KCNIP4: variants seen among roughly 807,000 people sequenced by gnomAD.
KCNIP4 encodes potassium voltage-gated channel interacting protein 4.
Under a neutral mutation model 34.0 loss-of-function variants are expected in KCNIP4, and 12 were observed. That is an observed-to-expected ratio of 0.35 (90% CI 0.23 to 0.57). The LOEUF is 0.57. Among genes scored for constraint, KCNIP4 ranks in the 20% least tolerant of loss-of-function variants. KCNIP4 has a pLI of 0.83. For synonymous variants in KCNIP4, 124 were observed against 102.2 expected, an observed-to-expected ratio of 1.21 and a Z score of -1.29; for missense variants, 238 against 311.7, an observed-to-expected ratio of 0.76 and a Z score of 1.78.
intron 1 of KCNIP4, among the ~76,000 whole-genome samples, chr4:21,386,069 G>A (rs1390261): frequency 0.21 from 31,199 of 152,068 alleles, 3,650 homozygotes; most frequent in Middle Eastern, 0.3. Flanking sequence ...TATAAATATG[G>A]GGAAATTACT....
At chr4:21,140,894 C>T (rs1751900551) in intron 1 of KCNIP4, among the ~76,000 whole-genome samples, 1 of 152,198 alleles carries the variant, frequency 6.6e-6, no homozygotes, top group African/African-American at 2.4e-5. Context: ...TCCCCTGCAG[C>T]CTGCCTCTGT....
intron 1 of KCNIP4, among the ~76,000 whole-genome samples, chr4:21,095,518 G>T (rs1332885715): frequency 6.6e-6 from 1 of 151,948 alleles, no homozygotes; most frequent in Non-Finnish European, 1.5e-5. Flanking sequence ...TAATTAAGTA[G>T]AATTCAATAA....
chr4:20,839,507 T>G (rs1019005104), intron 3 of KCNIP4, among the ~76,000 whole-genome samples: 5 of 149,116 alleles, frequency 3.4e-5, no homozygotes, highest in Non-Finnish European at 5.9e-5. Flanking sequence ...TATATATATA[T>G]ATAGATAGGT....
At chr4:21,074,816 C>A (rs1560698452) in intron 1 of KCNIP4, among the ~76,000 whole-genome samples, 2 of 152,082 alleles carry the variant, frequency 1.3e-5, no homozygotes, top group African/African-American at 4.8e-5. Context: ...TAAATGTGTC[C>A]CAGAGATACT....
chr4:21,670,310 C>A (rs1168038448), intron 1 of KCNIP4, among the ~76,000 whole-genome samples: 2 of 151,194 alleles, frequency 1.3e-5, no homozygotes, highest in African/African-American at 4.9e-5. Flanking sequence ...TCTCAGTAAA[C>A]TATCGCAAGA....
At chr4:21,173,665 T>C (rs2109303347) in intron 1 of KCNIP4, among the ~76,000 whole-genome samples, 1 of 152,270 alleles carries the variant, frequency 6.6e-6, no homozygotes, top group East Asian at 1.9e-4. Context: ...ATAGCCTCTT[T>C]GTGGCAAGTA....
At chr4:21,679,400 G>A (rs191250698) in intron 1 of KCNIP4, among the ~76,000 whole-genome samples, 1 of 152,134 alleles carries the variant, frequency 6.6e-6, no homozygotes, top group Non-Finnish European at 1.5e-5. Flanking sequence ...GCAAAGGATA[G>A]GTACTTAATG....
rs548169314 is a variant in KCNIP4 at position 21,028,391 on chromosome 4, C to T, written c.62-145682G>A. Among the ~76,000 whole-genome samples, 5 of 152,332 alleles carry T rather than the reference C, an allele frequency of 3.3e-5. No homozygotes were observed. In the East Asian group the frequency reaches 9.7e-4, roughly 29 times the overall value. On this transcript the variant is annotated intron_variant, in intron 1 of 8. Transcript: ENST00000382152. ...GATTTTTACTTGCTCAGACAAAGTA[C>T]TTAAAACTGCACACATGACCTCACA...
At chr4:21,908,476 T>G (rs990282079) in intron 1 of KCNIP4, among the ~76,000 whole-genome samples, 18 of 152,184 alleles carry the variant, frequency 1.2e-4, no homozygotes, top group Admixed American at 1.1e-3. Flanking sequence ...AAGCCCATTA[T>G]TAGGCAATAA....
intron 1 of KCNIP4, among the ~76,000 whole-genome samples, chr4:20,954,391 G>A (rs185346860): frequency 6.6e-6 from 1 of 152,058 alleles, no homozygotes; most frequent in African/African-American, 2.4e-5. Context: ...GTTTGTTGAT[G>A]GAATAATTGA....
intron 5 of KCNIP4, among the ~76,000 whole-genome samples, chr4:20,740,159 C>T (rs1750714327): frequency 6.6e-6 from 1 of 152,132 alleles, no homozygotes; most frequent in Non-Finnish European, 1.5e-5. Flanking sequence ...GGAAAACACC[C>T]TTCAGGATAT....
At chr4:21,902,879 G>A (rs1343881860) in intron 1 of KCNIP4, among the ~76,000 whole-genome samples, 3 of 152,124 alleles carry the variant, frequency 2.0e-5, no homozygotes, top group South Asian at 2.1e-4. Context: ...ATTTTCTCTC[G>A]AAAGAGAGGG....
chr4:20,992,830 C>A (rs191443184), intron 1 of KCNIP4, among the ~76,000 whole-genome samples: 13 of 152,064 alleles, frequency 8.5e-5, no homozygotes, highest in African/African-American at 2.9e-4. Flanking sequence ...TAGTTCAAGA[C>A]CAGCCTGGCC....
At position 21,694,293 on chromosome 4, in the gene KCNIP4, T is replaced by C. The variant is rs1017209658; in HGVS notation, c.61+254278A>G. Among the ~76,000 whole-genome samples, 3 of 152,066 alleles carry C rather than the reference T, an allele frequency of 2.0e-5. No homozygotes were observed. The East Asian group carries it at 5.8e-4, about 29-fold the overall frequency. ...TGGGTAGCATGAGCCCCATCTAGAATTGAATATGATATGGTACATCAAGAG... is the reference window on the plus strand; with the variant it reads ...TGGGTAGCATGAGCCCCATCTAGAACTGAATATGATATGGTACATCAAGAG... On this transcript the variant is annotated intron_variant, in intron 1 of 8. Transcript: ENST00000382152.
intron 1 of KCNIP4, among the ~76,000 whole-genome samples, chr4:21,086,815 A>C (rs1223058475): frequency 6.6e-6 from 1 of 152,064 alleles, no homozygotes; most frequent in Non-Finnish European, 1.5e-5. Context: ...AAAACAATCA[A>C]AGAATGCTAC....
intron 1 of KCNIP4, chr4:20,984,161 A>G (rs1339184381): frequency 5.4e-6 from 3 of 551,004 alleles, no homozygotes; most frequent in African/African-American, 1.9e-5. Context: ...CCCCCCTGCT[A>G]CCACAGCGCA....
In KCNIP4 at chr4:21,629,849, CTTTT is replaced by C. The variant is rs5856652; in HGVS notation, c.61+318718_61+318721del. Among the ~76,000 whole-genome samples, 110 of 87,788 alleles carry C rather than the reference CTTTT, an allele frequency of 1.3e-3. 1 individual carries two copies. The highest frequency in any genetic ancestry group is 5.0e-3 in the African/African-American group (104 of 20,946). 57.6% of individuals were successfully genotyped at this position (87,788 alleles called of 152,430 possible). ...ACCATATTTCCTTTTCTTTTTCTTT[CTTTT>C]TTTTTTTTTTTTTTTGAGACAGGGT... is the stretch of plus-strand genomic sequence containing the variant. On this transcript the variant is annotated intron_variant, in intron 1 of 8. Transcript: ENST00000382152.
At chr4:21,375,854 A>T (rs1311992363) in intron 1 of KCNIP4, among the ~76,000 whole-genome samples, 1 of 152,110 alleles carries the variant, frequency 6.6e-6, no homozygotes, top group Non-Finnish European at 1.5e-5. Context: ...GGCGTGAGCC[A>T]CCGTGCCTGG....
intron 1 of KCNIP4, among the ~76,000 whole-genome samples, chr4:20,898,307 TTC>T (rs1726779465): frequency 6.6e-6 from 1 of 152,186 alleles, no homozygotes; most frequent in African/African-American, 2.4e-5. Flanking sequence ...CTCTTTCTGT[TTC>T]TCTCTTTGTA....
Sources: allele counts gnomAD v4.1 joint callset (sites outside exome capture counted in the v4.1 genomes callset), GRCh38; gene constraint gnomAD v4.1.1; transcripts MANE v1.5; gene names NCBI Gene and HGNC (gene_info 2026-07-23, HGNC 2026-07-21).